The following CIMAP3 variants were observed in gnomAD, a reference collection of about 807,000 sequenced individuals.
CIMAP3 encodes ciliary microtubule associated protein 3, also known as ciliary microtubule-associated protein 3.
chr1:111,343,252 A>T, the CIMAP3 span, among the ~76,000 whole-genome samples: 1 of 152,228 alleles, frequency 6.6e-6, no homozygotes, highest in Non-Finnish European at 1.5e-5. Flanking sequence ...TTTTAAAATG[A>T]GACAAATCTA....
the CIMAP3 span, among the ~76,000 whole-genome samples, chr1:111,330,859 AG>A: frequency 6.6e-6 from 1 of 152,248 alleles, no homozygotes; most frequent in African/African-American, 2.4e-5. Flanking sequence ...GGCCCAAGCC[AG>A]GGGTTCCTTG....
At chr1:111,341,197 G>A in the CIMAP3 span, among the ~76,000 whole-genome samples, 1,878 of 148,492 alleles carry the variant, frequency 0.013, 42 homozygotes, top group African/African-American at 0.043. Context: ...TCATACTCTG[G>A]GGACTGTTGT....
the CIMAP3 span, chr1:111,348,296 T>G: frequency 2.8e-6 from 1 of 358,630 alleles, no homozygotes; most frequent in Admixed American, 4.3e-5. Flanking sequence ...ATCCTAGATT[T>G]ATTTCTACAA....
At chr1:111,351,998 C>G in the CIMAP3 span, 1 of 152,242 alleles carries the variant, frequency 6.6e-6, no homozygotes, top group Non-Finnish European at 1.5e-5. Context: ...TGGGCCTGGC[C>G]TGAAGTCAGA....
the CIMAP3 span, chr1:111,351,459 CT>C: frequency 3.0e-6 from 2 of 661,332 alleles, no homozygotes; most frequent in Non-Finnish European, 5.0e-6. Flanking sequence ...GGGACAGGGG[CT>C]TATAGCTGCT....
At chr1:111,337,320 A>T in the CIMAP3 span, among the ~76,000 whole-genome samples, 1 of 152,220 alleles carries the variant, frequency 6.6e-6, no homozygotes, top group African/African-American at 2.4e-5. Flanking sequence ...TAACATCATA[A>T]TGACAGGATC....
chr1:111,332,352 C>A, the CIMAP3 span, among the ~76,000 whole-genome samples: 1 of 152,172 alleles, frequency 6.6e-6, no homozygotes, highest in Non-Finnish European at 1.5e-5. Context: ...CATATGTAGC[C>A]CATCAGGCTG....
chr1:111,351,200 G>T, the CIMAP3 span: 74 of 765,322 alleles, frequency 9.7e-5, no homozygotes, highest in Non-Finnish European at 1.4e-4. Flanking sequence ...TAACTGGGAA[G>T]ACCAGAGGCA....
the CIMAP3 span, among the ~76,000 whole-genome samples, chr1:111,336,574 A>G: frequency 6.6e-6 from 1 of 152,362 alleles, no homozygotes; most frequent in Admixed American, 6.5e-5. Flanking sequence ...GAGCCGATGC[A>G]ATCAACTAGA....
the CIMAP3 span, chr1:111,347,116 AGTTTCGTAAAAGAAAAAATTCT>A: frequency 1.3e-6 from 2 of 1,498,508 alleles, no homozygotes; most frequent in African/African-American, 2.8e-5. Context: ...CAAGTTTCCA[AGTTTCGTAAAAGAAAAAATTCT>A]GTGGGACTTG....
chr1:111,342,114 C>T, the CIMAP3 span, among the ~76,000 whole-genome samples: 3 of 152,004 alleles, frequency 2.0e-5, no homozygotes, highest in Non-Finnish European at 2.9e-5. Context: ...TAAGACTACC[C>T]CAAGGAATAA....
chr1:111,339,869 T>A, the CIMAP3 span, among the ~76,000 whole-genome samples: 1 of 151,866 alleles, frequency 6.6e-6, no homozygotes, highest in South Asian at 2.1e-4. Context: ...AAAGTTCATA[T>A]GGAACCAAAA....
chr1:111,339,894 C>T, the CIMAP3 span, among the ~76,000 whole-genome samples: 1 of 151,830 alleles, frequency 6.6e-6, no homozygotes, highest in Admixed American at 6.5e-5. Context: ...GCCCGCATCG[C>T]CAAGTCAATC....
the CIMAP3 span, chr1:111,351,230 T>C: frequency 1.3e-6 from 2 of 1,557,944 alleles, no homozygotes; most frequent in Non-Finnish European, 8.8e-7. Context: ...CATTAGAATA[T>C]TGATCTAGAA....
the CIMAP3 span, among the ~76,000 whole-genome samples, chr1:111,337,289 C>T: frequency 6.6e-6 from 1 of 152,210 alleles, no homozygotes; most frequent in Non-Finnish European, 1.5e-5. Flanking sequence ...ACTGCATCAA[C>T]TAACGTGCAA....
At chr1:111,327,067 T>C in the CIMAP3 span, among the ~76,000 whole-genome samples, 1 of 152,190 alleles carries the variant, frequency 6.6e-6, no homozygotes, top group African/African-American at 2.4e-5. Flanking sequence ...GATTGCCTCA[T>C]TTGCTGCACA....
At chr1:111,336,919 C>T in the CIMAP3 span, among the ~76,000 whole-genome samples, 4 of 151,294 alleles carry the variant, frequency 2.6e-5, no homozygotes, top group Admixed American at 1.3e-4. Context: ...GTTGAAATGA[C>T]GGAAAAAATG....
At chr1:111,343,485 A>T in the CIMAP3 span, among the ~76,000 whole-genome samples, 2 of 152,242 alleles carry the variant, frequency 1.3e-5, no homozygotes, top group African/African-American at 4.8e-5. Flanking sequence ...CTGAATTCTT[A>T]AGGTCTTCAT....
At chr1:111,330,005 G>T in the CIMAP3 span, among the ~76,000 whole-genome samples, 1 of 75,526 alleles carries the variant, frequency 1.3e-5, no homozygotes, top group Non-Finnish European at 2.5e-5. Flanking sequence ...TGATTGCATT[G>T]TGAAATTCTT....
Sources: gnomAD v4.1 joint callset for allele counts (sites outside exome capture counted in the v4.1 genomes callset) on GRCh38, gnomAD v4.1.1 for gene constraint, MANE v1.5 for transcripts, NCBI Gene and HGNC (gene_info 2026-07-23, HGNC 2026-07-21) for gene names.